Variants in ROBO1 observed in about 807,000 individuals in gnomAD.
The protein encoded by ROBO1 is roundabout homolog 1.
ROBO1 carries 149 observed loss-of-function variants against 195.9 expected under a neutral mutation model. The ratio of observed to expected loss-of-function variants is 0.76; its 90% confidence interval spans 0.67 to 0.87. The LOEUF (loss-of-function observed/expected upper bound fraction) is 0.87. Among genes scored for constraint, ROBO1 ranks in the 40% least tolerant of loss-of-function variants. ROBO1 has a pLI of 0.00. For synonymous variants in ROBO1, 816 were observed against 733.2 expected, an observed-to-expected ratio of 1.11 and a Z score of -1.82; for missense variants, 1,933 against 2,068.3, an observed-to-expected ratio of 0.93 and a Z score of 1.27.
chr3:79,305,641 T>G (rs193077189), intron 2 of ROBO1, among the ~76,000 whole-genome samples: 1 of 152,154 alleles, frequency 6.6e-6, no homozygotes, highest in African/African-American at 2.4e-5. Context: ...ATGCATTTCC[T>G]TCTTTTTGAT....
At chr3:79,078,740 T>C (rs986430914) in intron 3 of ROBO1, among the ~76,000 whole-genome samples, 1 of 151,806 alleles carries the variant, frequency 6.6e-6, no homozygotes, top group African/African-American at 2.4e-5. Context: ...CATATATCAC[T>C]ACATTTAAGC....
chr3:79,280,379 A>G (rs1170868657), intron 2 of ROBO1, among the ~76,000 whole-genome samples: 2 of 152,150 alleles, frequency 1.3e-5, no homozygotes, highest in African/African-American at 4.8e-5. Flanking sequence ...AAAAATAAAA[A>G]TCTAAGTATG....
At chr3:79,585,484 T>G (rs2107803119) in intron 2 of ROBO1, among the ~76,000 whole-genome samples, 1 of 152,104 alleles carries the variant, frequency 6.6e-6, no homozygotes. Context: ...TATTATGAGA[T>G]GAAAATAACA....
intron 4 of ROBO1, among the ~76,000 whole-genome samples, chr3:78,863,455 G>A (rs2034975821): frequency 6.6e-6 from 1 of 152,148 alleles, no homozygotes; most frequent in African/African-American, 2.4e-5. Flanking sequence ...GAAACCGTGT[G>A]AATGCAGAAA....
At chr3:79,393,996 C>T (rs1474071403) in intron 2 of ROBO1, among the ~76,000 whole-genome samples, 2 of 151,876 alleles carry the variant, frequency 1.3e-5, no homozygotes, top group Admixed American at 6.6e-5. Context: ...AAGAAAGAAA[C>T]GACATGACAA....
At chr3:79,429,951 A>C (rs1335948019) in intron 2 of ROBO1, among the ~76,000 whole-genome samples, 3 of 151,778 alleles carry the variant, frequency 2.0e-5, no homozygotes, top group African/African-American at 7.3e-5. Context: ...TGCTATTATA[A>C]ATTGTCTGAA....
chr3:79,405,723 T>C (rs949756484), intron 2 of ROBO1, among the ~76,000 whole-genome samples: 2 of 152,190 alleles, frequency 1.3e-5, no homozygotes, highest in Non-Finnish European at 2.9e-5. Context: ...CAAACACATA[T>C]ACTATTTTAA....
intron 2 of ROBO1, among the ~76,000 whole-genome samples, chr3:79,544,120 A>G (rs779250113): frequency 1.3e-5 from 2 of 152,066 alleles, no homozygotes; most frequent in Non-Finnish European, 2.9e-5. Flanking sequence ...TGAAAAAAGA[A>G]AACAAAGATT....
chr3:79,537,956 A>C (rs1941934150), intron 2 of ROBO1, among the ~76,000 whole-genome samples: 1 of 152,188 alleles, frequency 6.6e-6, no homozygotes, highest in Admixed American at 6.5e-5. Flanking sequence ...GAACTGAAAA[A>C]AATAATTGCA....
chr3:79,014,863 G>A (rs568552452), intron 3 of ROBO1, among the ~76,000 whole-genome samples: 1 of 152,128 alleles, frequency 6.6e-6, no homozygotes, highest in African/African-American at 2.4e-5. Flanking sequence ...TAACACAGAT[G>A]ATAATAAATA....
intron 3 of ROBO1, among the ~76,000 whole-genome samples, chr3:79,047,167 A>C (rs536881775): frequency 3.3e-5 from 5 of 152,186 alleles, no homozygotes; most frequent in African/African-American, 7.2e-5. Context: ...TGTAATTGAA[A>C]ACTTTAGGAA....
intron 2 of ROBO1, among the ~76,000 whole-genome samples, chr3:79,175,016 T>C (rs2081241428): frequency 1.3e-5 from 2 of 152,140 alleles, no homozygotes; most frequent in South Asian, 4.1e-4. Flanking sequence ...AGAAAAAATG[T>C]CAGGAAAAAC....
intron 3 of ROBO1, among the ~76,000 whole-genome samples, chr3:78,955,414 C>T (rs551919518): frequency 6.6e-6 from 1 of 152,164 alleles, no homozygotes; most frequent in South Asian, 2.1e-4. Context: ...CTCTTTGTGT[C>T]CATGTGTTCT....
intron 4 of ROBO1, among the ~76,000 whole-genome samples, chr3:78,812,926 A>G (rs896468829): frequency 6.6e-6 from 1 of 152,112 alleles, no homozygotes; most frequent in Non-Finnish European, 1.5e-5. Flanking sequence ...AAAAACTGAC[A>G]AGAATGAAAT....
chr3:79,125,551 A>C lies in ROBO1; in HGVS notation c.89-12T>G. ...TACATCTTCAGGGTCTGTCGGAAACAACACCAGAGCTGCTGATGGGGTCAC... is the reference window on the plus strand; with the variant it reads ...TACATCTTCAGGGTCTGTCGGAAACCACACCAGAGCTGCTGATGGGGTCAC... On this transcript the variant is annotated splice_polypyrimidine_tract_variant and intron_variant, in intron 2 of 30. Coordinates refer to ENST00000464233, the MANE Select transcript of ROBO1 (RefSeq NM_002941.4). 6.2e-7 allele frequency: 1 copy of C among 1,610,714 alleles called. No homozygotes were observed. The highest frequency in any genetic ancestry group is 1.1e-5 in the South Asian group (1 of 90,764).
chr3:79,140,167 A>G (rs1259896431), intron 2 of ROBO1, among the ~76,000 whole-genome samples: 1 of 152,130 alleles, frequency 6.6e-6, no homozygotes, highest in Non-Finnish European at 1.5e-5. Context: ...TCATCGTAGT[A>G]TATGTAAATT....
At chr3:79,707,221 C>G (rs904333921) in intron 1 of ROBO1, among the ~76,000 whole-genome samples, 2 of 152,114 alleles carry the variant, frequency 1.3e-5, no homozygotes, top group Non-Finnish European at 2.9e-5. Context: ...TGTGAGAGTA[C>G]TGACATATGG....
chr3:79,663,077 T>A (rs1946378734), intron 1 of ROBO1, among the ~76,000 whole-genome samples: 2 of 152,090 alleles, frequency 1.3e-5, no homozygotes. Flanking sequence ...TTATTTTCTT[T>A]ATAAAAATAA....
chr3:79,606,048 A>G (rs1944473054), intron 1 of ROBO1, among the ~76,000 whole-genome samples: 1 of 151,192 alleles, frequency 6.6e-6, no homozygotes, highest in Non-Finnish European at 1.5e-5. Flanking sequence ...ATATATATAT[A>G]TATACACCCA....
Sources: allele counts gnomAD v4.1 joint callset (sites outside exome capture counted in the v4.1 genomes callset), GRCh38; gene constraint gnomAD v4.1.1; transcripts MANE v1.5; gene names NCBI Gene and HGNC (gene_info 2026-07-23, HGNC 2026-07-21).